Variants in FAM177A1 observed in about 807,000 individuals in gnomAD.
FAM177A1 encodes the protein family with sequence similarity 177 member A1, also known as protein FAM177A1.
A neutral mutation model predicts 26.1 loss-of-function variants in FAM177A1; 22 were observed. That is an observed-to-expected ratio of 0.84 (90% confidence interval 0.60 to 1.20). The LOEUF is 1.20. Among genes scored for constraint, FAM177A1 ranks in the 50% most tolerant of loss-of-function variants. The pLI is 0.00. For missense variants in FAM177A1, 296 were observed against 291.1 expected (o/e 1.02, Z -0.12); for synonymous variants, 95 against 99.3 (o/e 0.96, Z 0.26).
At chr14:35,075,797 A>G (rs546670211) in intron 2 of FAM177A1, among the ~76,000 whole-genome samples, 9 of 152,358 alleles carry the variant, frequency 5.9e-5, no homozygotes, top group African/African-American at 2.2e-4. Context: ...AAGGATATGA[A>G]CAGACACTTC....
chr14:35,056,067 C>T (rs2045057018), intron 2 of FAM177A1, among the ~76,000 whole-genome samples: 1 of 152,076 alleles, frequency 6.6e-6, no homozygotes, highest in African/African-American at 2.4e-5. Context: ...GGGAGTCTGG[C>T]TCTGTCACCC....
chr14:35,074,535 A>G (rs1192895212), intron 2 of FAM177A1, among the ~76,000 whole-genome samples: 2 of 151,788 alleles, frequency 1.3e-5, no homozygotes, highest in Admixed American at 6.6e-5. Context: ...CATGTTGGTC[A>G]GGCTGGTCTT....
At chr14:35,067,347 C>T (rs2045255647) in intron 2 of FAM177A1, among the ~76,000 whole-genome samples, 1 of 152,182 alleles carries the variant, frequency 6.6e-6, no homozygotes, top group South Asian at 2.1e-4. Context: ...CCACGTTGCA[C>T]AAATGACAGA....
At chr14:35,064,472 A>T (rs941799760) in intron 2 of FAM177A1, among the ~76,000 whole-genome samples, 6 of 152,150 alleles carry the variant, frequency 3.9e-5, no homozygotes, top group Non-Finnish European at 8.8e-5. Context: ...TTATGTTATA[A>T]CTCAGCCTGA....
intron 2 of FAM177A1, among the ~76,000 whole-genome samples, chr14:35,059,523 G>A (rs992321880): frequency 4.7e-5 from 7 of 149,134 alleles, no homozygotes; most frequent in African/African-American, 1.2e-4. Context: ...TTCTACAGAA[G>A]CATTTACATT....
rs2044865262 is a variant in FAM177A1 at position 35,046,487 on chromosome 14, T to TA, written c.25dup (p.Thr9AsnfsTer50). On this transcript the variant is annotated frameshift_variant, in exon 1 of 5. Transcript: ENST00000280987. LOFTEE classifies it high-confidence loss of function. The stretch of plus-strand genomic sequence containing the variant: ...GGATGGAAGTGGGCTTACCGGCCAT[T>TA]ACCCTCTTTCTCACCAGCGCCAGCA... 1 of 1,598,342 alleles carries TA rather than the reference T, an allele frequency of 6.3e-7. No homozygotes were observed. The highest frequency in any genetic ancestry group is 8.5e-7 in the Non-Finnish European group (1 of 1,173,900).
intron 1 of FAM177A1, among the ~76,000 whole-genome samples, chr14:35,051,568 A>C (rs897831742): frequency 6.6e-6 from 1 of 152,136 alleles, no homozygotes; most frequent in Admixed American, 6.6e-5. Context: ...GTGTACCACC[A>C]TGCCTAGCTG....
At chr14:35,063,093 G>A (rs2045184440) in intron 2 of FAM177A1, among the ~76,000 whole-genome samples, 1 of 143,938 alleles carries the variant, frequency 6.9e-6, no homozygotes, top group South Asian at 2.2e-4. Flanking sequence ...CCCGGGAGTC[G>A]GAGATTGCAG....
intron 2 of FAM177A1, among the ~76,000 whole-genome samples, chr14:35,066,943 G>A (rs995610807): frequency 3.9e-5 from 6 of 151,924 alleles, no homozygotes; most frequent in Admixed American, 6.6e-5. Flanking sequence ...ACAGGCATGC[G>A]CCACCACGCC....
At chr14:35,060,454 A>G (rs1272119115) in intron 2 of FAM177A1, among the ~76,000 whole-genome samples, 1 of 151,970 alleles carries the variant, frequency 6.6e-6, no homozygotes, top group Non-Finnish European at 1.5e-5. Flanking sequence ...TCAGTCTCAC[A>G]GGTATTTTTT....
chr14:35,046,630 T>G lies in FAM177A1; in HGVS notation c.165+2T>G, dbSNP rs1015850016. The G allele has an allele frequency of 6.5e-7, 1 of 1,530,972 alleles. No individual in the cohort carries two copies. Among genetic ancestry groups the G allele is most frequent in the African/African-American group, 1.4e-5 (1 of 71,604 alleles). 94.8% of individuals were successfully genotyped at this position (1,530,972 alleles called of 1,614,324 possible). A position where few individuals can be genotyped will look rare whatever the true frequency, so the allele number is the denominator to read the frequency against. On this transcript the variant is annotated splice_donor_variant, in intron 1 of 4. Coordinates refer to ENST00000280987, the MANE Select transcript of FAM177A1 (RefSeq NM_173607.5). LOFTEE classifies it high-confidence loss of function. ...GCATTCGGGGAATCTGCAGGGCAGG[T>G]AGGTGGGGCCGCCGAGGCTGACGTC...
chr14:35,080,983 C>G lies in FAM177A1; in HGVS notation c.505-39C>G. ...CAGCACTATATACCTTTTGGACTTT[C>G]GTATTTCAACTATTCTTGATATTGC... On this transcript the variant is annotated intron_variant, in intron 4 of 4. Transcript: ENST00000280987. 5 of 1,516,376 alleles carry G rather than the reference C, an allele frequency of 3.3e-6. No individual in the cohort carries two copies. In the South Asian group the frequency reaches 3.8e-5, roughly 11 times the overall value. The allele number at this position is 1,516,376 out of a possible 1,614,324, so 93.9% of individuals were successfully genotyped here.
intron 2 of FAM177A1, among the ~76,000 whole-genome samples, chr14:35,058,253 A>G (rs1042092747): frequency 4.6e-5 from 7 of 151,784 alleles, no homozygotes; most frequent in East Asian, 1.9e-4. Context: ...TTTAGTAGAG[A>G]CGGGGTTTCA....
At chr14:35,072,235 A>G (rs535862355) in intron 2 of FAM177A1, among the ~76,000 whole-genome samples, 2 of 152,268 alleles carry the variant, frequency 1.3e-5, no homozygotes, top group African/African-American at 2.4e-5. Flanking sequence ...AGATCGCAAC[A>G]TTGCACTCCA....
chr14:35,069,833 C>T (rs1054003267), intron 2 of FAM177A1, among the ~76,000 whole-genome samples: 1 of 151,658 alleles, frequency 6.6e-6, no homozygotes, highest in Non-Finnish European at 1.5e-5. Context: ...AAGTGGAGAC[C>T]TATGCTAGAC....
chr14:35,056,648 G>A (rs562441774), intron 2 of FAM177A1, among the ~76,000 whole-genome samples: 2 of 152,200 alleles, frequency 1.3e-5, no homozygotes, highest in South Asian at 2.1e-4. Context: ...GTGAGCCAGC[G>A]CCTGGCCTTA....
At position 35,082,608 on chromosome 14, in the gene FAM177A1, A is replaced by G. The variant is rs746576372; in HGVS notation, c.*1380A>G. ...GTATAGAACCTTTTATCAGTATAAC[A>G]TTGATTTATAATTAAATGTGGGTGA... On this transcript the variant is annotated 3_prime_UTR_variant, in exon 5 of 5. Coordinates refer to ENST00000280987, the MANE Select transcript of FAM177A1 (RefSeq NM_173607.5). The G allele has an allele frequency of 6.6e-6, 1 of 152,140 alleles. No individual in the cohort carries two copies. Among genetic ancestry groups the G allele is most frequent in the Non-Finnish European group, 1.5e-5 (1 of 68,026 alleles). 9.4% of individuals were successfully genotyped at this position (152,140 alleles called of 1,614,324 possible).
chr14:35,068,692 T>C (rs1255453145), intron 2 of FAM177A1, among the ~76,000 whole-genome samples: 3 of 152,224 alleles, frequency 2.0e-5, no homozygotes, highest in East Asian at 1.9e-4. Flanking sequence ...CCTTCAGATA[T>C]TGGGTTTGTG....
chr14:35,049,331 C>G (rs1399294078), intron 1 of FAM177A1, among the ~76,000 whole-genome samples: 2 of 152,208 alleles, frequency 1.3e-5, no homozygotes, highest in Non-Finnish European at 2.9e-5. Context: ...CAAGCACTTA[C>G]TATGTGCCAG....
Sources: gnomAD v4.1 joint callset for allele counts (sites outside exome capture counted in the v4.1 genomes callset) on GRCh38, gnomAD v4.1.1 for gene constraint, MANE v1.5 for transcripts, NCBI Gene and HGNC (gene_info 2026-07-23, HGNC 2026-07-21) for gene names.